Variants in PODXL2 observed in about 807,000 individuals in gnomAD.
PODXL2 encodes the protein podocalyxin-like protein 2.
A neutral mutation model predicts 53.4 loss-of-function variants in PODXL2; 17 were observed. The ratio of observed to expected loss-of-function variants is 0.32; its 90% CI spans 0.22 to 0.48. PODXL2 has a LOEUF of 0.48. Ranked by LOEUF, PODXL2 falls within the 20% of genes least tolerant of loss-of-function variation. PODXL2 has a pLI of 0.99. For synonymous variants in PODXL2, 311 were observed against 306.7 expected, an observed-to-expected ratio of 1.01 and a Z score of -0.15; for missense variants, 673 against 760.0, an observed-to-expected ratio of 0.89 and a Z score of 1.35.
intron 2 of PODXL2, among the ~76,000 whole-genome samples, chr3:127,650,645 T>C (rs1406269475): frequency 6.6e-6 from 1 of 152,134 alleles, no homozygotes; most frequent in African/African-American, 2.4e-5. Flanking sequence ...TTTTTGTTTT[T>C]TGTTTGTTTT....
chr3:127,644,108 A>G (rs2074637963), intron 2 of PODXL2, among the ~76,000 whole-genome samples: 1 of 151,936 alleles, frequency 6.6e-6, no homozygotes, highest in African/African-American at 2.4e-5. Context: ...AAGAAATGAT[A>G]TTTTGTTGCT....
At chr3:127,666,399 C>T (rs2074795262) in intron 4 of PODXL2, among the ~76,000 whole-genome samples, 1 of 149,362 alleles carries the variant, frequency 6.7e-6, no homozygotes. Flanking sequence ...AGAGAGCTGA[C>T]AAATGGCAGA....
At chr3:127,658,117 G>C (rs775013524) in intron 2 of PODXL2, among the ~76,000 whole-genome samples, 14 of 152,086 alleles carry the variant, frequency 9.2e-5, no homozygotes, top group Non-Finnish European at 1.8e-4. Context: ...AGGTGGAAGA[G>C]GGGGAGGATC....
In PODXL2 at chr3:127,671,611, G is replaced by A. The variant is rs759288912; in HGVS notation, c.1603G>A (p.Val535Met). ...GCGCCGGCTGCCCAAGCTCAAGCAC[G>A]TGGTGAGTGTGGGGACAGGTGGGGC... The part of the protein sequence containing the change: ...WQRRLPKLKH[V>M]SHGEELRFVE... The change falls in exon 7 of 8, where the codon GTG (valine) becomes ATG (methionine). Residue 535 changes from valine (V) to methionine (M), a missense_variant and splice_region_variant. By Grantham distance (21) the Val-to-Met change is conservative. Around this residue, in one of 3 missense-constraint regions of PODXL2, gnomAD observed 588 missense variants for 668.3 expected, o/e 0.88. Transcript: ENST00000342480. The A allele has an allele frequency of 6.2e-6, 10 of 1,612,820 alleles. No homozygotes were observed. Among genetic ancestry groups the A allele is most frequent in the South Asian group, 2.2e-5 (2 of 91,084 alleles).
intron 4 of PODXL2, among the ~76,000 whole-genome samples, chr3:127,667,976 C>T (rs1019005347): frequency 6.6e-5 from 10 of 152,190 alleles, no homozygotes; most frequent in African/African-American, 2.2e-4. Flanking sequence ...GCCATCACCA[C>T]TCCCACCCGC....
chr3:127,661,715 G>A lies in PODXL2; in HGVS notation c.1132-522G>A, dbSNP rs150188144. ...GCCTCCTGAAGTGCTGGGATTACAG[G>A]CATTAGCTACCGCACCCAGCCCACA... is the stretch of plus-strand genomic sequence containing the variant. On this transcript the variant is annotated intron_variant, in intron 3 of 7. Transcript: ENST00000342480. Among the ~76,000 whole-genome samples the A allele has an allele frequency of 2.9e-3, 447 of 152,156 alleles. 3 individuals are homozygous for A. Among genetic ancestry groups the A allele is most frequent in the African/African-American group, 9.9e-3 (412 of 41,494 alleles).
intron 4 of PODXL2, among the ~76,000 whole-genome samples, chr3:127,667,887 AC>A (rs1454573312): frequency 6.6e-6 from 1 of 152,190 alleles, no homozygotes; most frequent in Non-Finnish European, 1.5e-5. Flanking sequence ...CTCTGCGATG[AC>A]AGGCGAGAGG....
chr3:127,672,607 G>C lies in PODXL2; in HGVS notation c.*127G>C. Reference sequence around the variant, plus strand: ...GCCCCCGCGGCCTGGCCCTCGGCGCGGGCTCCTTCCCGCTTCCCCCGACTT... The same window carrying C: ...GCCCCCGCGGCCTGGCCCTCGGCGCCGGCTCCTTCCCGCTTCCCCCGACTT... On this transcript the variant is annotated 3_prime_UTR_variant, in exon 8 of 8. Coordinates refer to ENST00000342480, the MANE Select transcript of PODXL2 (RefSeq NM_015720.4). 1 of 576,664 alleles carries C rather than the reference G, an allele frequency of 1.7e-6. No homozygotes were observed. 35.7% of individuals were successfully genotyped at this position (576,664 alleles called of 1,614,324 possible). A position where few individuals can be genotyped will look rare whatever the true frequency, so the allele number is the denominator to read the frequency against.
intron 2 of PODXL2, among the ~76,000 whole-genome samples, chr3:127,658,996 T>TC (rs2074744474): frequency 6.6e-6 from 1 of 152,206 alleles, no homozygotes; most frequent in African/African-American, 2.4e-5. Flanking sequence ...CTTTTTTTTT[T>TC]CCCAGCCATT....
In PODXL2 at chr3:127,672,465, G is replaced by A. The variant is rs1439823071; in HGVS notation, c.1803G>A (p.Glu601=). Residue 601 remains glutamate, a synonymous_variant, in exon 8 of 8, where the codon GAG becomes GAA. Coordinates refer to ENST00000342480, the MANE Select transcript of PODXL2 (RefSeq NM_015720.4). The part of the protein sequence containing the change: ...RDPEDSDVFE[E]DTHL The stretch of plus-strand genomic sequence containing the variant: ...CCGAGGACTCGGACGTGTTCGAGGA[G>A]GACACGCACCTGTGAGCGCAGCCGA... The A allele has an allele frequency of 2.6e-6, 4 of 1,523,242 alleles. No individual in the cohort carries two copies. The highest frequency in any genetic ancestry group is 3.5e-6 in the Non-Finnish European group (4 of 1,136,974). 94.4% of individuals were successfully genotyped at this position (1,523,242 alleles called of 1,614,324 possible).
intron 2 of PODXL2, among the ~76,000 whole-genome samples, chr3:127,648,809 T>C (rs2074671716): frequency 6.7e-6 from 1 of 148,814 alleles, no homozygotes; most frequent in Non-Finnish European, 1.5e-5. Context: ...TTTTTTTTTT[T>C]TGAGACGGAG....
chr3:127,671,310 G>T, intron 6 of PODXL2, 124 bp from the exon 7 acceptor site: 1 of 831,182 alleles, frequency 1.2e-6, no homozygotes, highest in African/African-American at 1.7e-5. Flanking sequence ...AACTTCAGGA[G>T]CCGGGAGTGC....
chr3:127,632,524 G>C (rs72965771), intron 1 of PODXL2, among the ~76,000 whole-genome samples: 1 of 152,204 alleles, frequency 6.6e-6, no homozygotes. Context: ...CAGGCTGCCC[G>C]GGTGCCCCGG....
chr3:127,650,484 C>T (rs1021575459), intron 2 of PODXL2, among the ~76,000 whole-genome samples: 53 of 152,266 alleles, frequency 3.5e-4, no homozygotes, highest in African/African-American at 1.3e-3. Context: ...AGCTTACCAG[C>T]TGTGATAAAT....
chr3:127,655,161 T>C (rs2074714057), intron 2 of PODXL2, among the ~76,000 whole-genome samples: 1 of 152,026 alleles, frequency 6.6e-6, no homozygotes, highest in Non-Finnish European at 1.5e-5. Context: ...CAGGCTGGTC[T>C]TGAACTCCTG....
In PODXL2 at chr3:127,629,324, G is replaced by T; in HGVS notation, c.70+35G>T. ...CTCCGGGCCCGAGCGCGGGAGGGCG[G>T]GCGGCGGCGTGGGCGCGGTGCTGGA... is the stretch of plus-strand genomic sequence containing the variant. On this transcript the variant is annotated intron_variant, in intron 1 of 7. Transcript: ENST00000342480. The surrounding 1 kb of genome is among the most constrained non-coding windows in gnomAD (Gnocchi z 6.4). The T allele has an allele frequency of 9.9e-7, 1 of 1,014,580 alleles. No individual in the cohort carries two copies. Among genetic ancestry groups the T allele is most frequent in the Non-Finnish European group, 1.2e-6 (1 of 849,324 alleles). The allele number at this position is 1,014,580 out of a possible 1,614,324, so 62.8% of individuals were successfully genotyped here.
chr3:127,632,713 GA>G (rs2074554500), intron 1 of PODXL2, among the ~76,000 whole-genome samples: 1 of 152,170 alleles, frequency 6.6e-6, no homozygotes, highest in Non-Finnish European at 1.5e-5. Context: ...ATCCCCTAAA[GA>G]ACTTAGGGTT....
intron 4 of PODXL2, among the ~76,000 whole-genome samples, chr3:127,667,019 CCTT>C (rs2074798075): frequency 6.6e-6 from 1 of 152,224 alleles, no homozygotes; most frequent in South Asian, 2.1e-4. Flanking sequence ...GGCATGCACT[CCTT>C]CTCCCCCCAT....
intron 2 of PODXL2, among the ~76,000 whole-genome samples, chr3:127,641,180 G>A (rs796311835): frequency 5.3e-5 from 8 of 151,662 alleles, no homozygotes; most frequent in African/African-American, 1.9e-4. Flanking sequence ...CCAAAGTGCT[G>A]GGATTACAGG....
Sources: gnomAD v4.1 joint callset for allele counts (sites outside exome capture counted in the v4.1 genomes callset) on GRCh38, gnomAD v4.1.1 for gene constraint, gnomAD v4.1.1 regional missense constraint, Gnocchi (gnomAD v3.1) non-coding constraint, MANE v1.5 for transcripts, NCBI Gene and HGNC (gene_info 2026-07-23, HGNC 2026-07-21) for gene names.